Variants in SMYD3 observed in about 807,000 individuals in gnomAD.
The protein encoded by SMYD3 is histone-lysine N-methyltransferase SMYD3.
SMYD3 carries 36 observed loss-of-function variants against 57.7 expected under a neutral mutation model. That is an observed-to-expected ratio of 0.62 (90% CI 0.48 to 0.82). The LOEUF (loss-of-function observed/expected upper bound fraction) is 0.82. Ranked by LOEUF, SMYD3 falls within the 40% of genes least tolerant of loss-of-function variation. The pLI is 0.00. For synonymous variants in SMYD3, 211 were observed against 195.0 expected, an observed-to-expected ratio of 1.08 and a Z score of -0.68; for missense variants, 515 against 538.8, an observed-to-expected ratio of 0.96 and a Z score of 0.44.
intron 10 of SMYD3, among the ~76,000 whole-genome samples, chr1:245,770,690 C>T (rs1328181887): frequency 6.6e-6 from 1 of 152,164 alleles, no homozygotes; most frequent in Non-Finnish European, 1.5e-5. Flanking sequence ...ATAAGACCTA[C>T]AGGTACTGAA....
In SMYD3 at chr1:245,846,208, C is replaced by G. The variant is rs574846977; in HGVS notation, c.1076+12288G>C. Among the ~76,000 whole-genome samples the G allele has an allele frequency of 2.3e-4, 35 of 152,266 alleles. No individual in the cohort carries two copies. In the South Asian group the frequency reaches 7.3e-3, roughly 32 times the overall value. On this transcript the variant is annotated intron_variant, in intron 10 of 11. Coordinates refer to ENST00000490107, the MANE Select transcript of SMYD3 (RefSeq NM_001167740.2). ...GAAGGAAGGAGGGAGAGAAAAAGAA[C>G]GCAAGAGCAAGAAAGCAAAGGAGCC...
intron 5 of SMYD3, among the ~76,000 whole-genome samples, chr1:246,311,953 CGTAAT>C (rs1167617095): frequency 6.6e-6 from 1 of 152,016 alleles, no homozygotes; most frequent in African/African-American, 2.4e-5. Flanking sequence ...GGAGCTAAAA[CGTAAT>C]GTAAGTGACA....
At chr1:246,176,990 GA>G (rs2062445855) in intron 5 of SMYD3, among the ~76,000 whole-genome samples, 1 of 152,164 alleles carries the variant, frequency 6.6e-6, no homozygotes, top group Admixed American at 6.5e-5. Flanking sequence ...AAAGGAAAAG[GA>G]AAAGAAACTT....
intron 5 of SMYD3, among the ~76,000 whole-genome samples, chr1:246,309,699 G>T (rs996248277): frequency 6.6e-6 from 1 of 152,290 alleles, no homozygotes; most frequent in East Asian, 1.9e-4. Flanking sequence ...GAAGCCACTT[G>T]CTGAGACATT....
At chr1:246,324,774 T>TA (rs2065311531) in intron 5 of SMYD3, among the ~76,000 whole-genome samples, 1 of 151,558 alleles carries the variant, frequency 6.6e-6, no homozygotes, top group African/African-American at 2.4e-5. Flanking sequence ...CTTTGATTAA[T>TA]TAATTTTATA....
At chr1:245,958,936 T>G (rs2057926788) in intron 5 of SMYD3, among the ~76,000 whole-genome samples, 1 of 152,138 alleles carries the variant, frequency 6.6e-6, no homozygotes, top group Non-Finnish European at 1.5e-5. Flanking sequence ...GAAACAGAGT[T>G]TCATTCCGTC....
intron 5 of SMYD3, among the ~76,000 whole-genome samples, chr1:246,131,344 A>G (rs928560255): frequency 4.6e-5 from 7 of 152,202 alleles, no homozygotes; most frequent in African/African-American, 1.4e-4. Context: ...GCTAAATGAA[A>G]GAATGAATGA....
At chr1:246,038,221 T>C (rs1048324433) in intron 5 of SMYD3, among the ~76,000 whole-genome samples, 1 of 152,226 alleles carries the variant, frequency 6.6e-6, no homozygotes, top group Non-Finnish European at 1.5e-5. Flanking sequence ...TCTCTTATTT[T>C]ACGTAGTGGA....
At chr1:246,266,921 A>G (rs1195127285) in intron 5 of SMYD3, among the ~76,000 whole-genome samples, 1 of 152,214 alleles carries the variant, frequency 6.6e-6, no homozygotes, top group African/African-American at 2.4e-5. Context: ...TGCGAAAATA[A>G]TATTTTTTTC....
chr1:245,980,737 G>A (rs996281560), intron 5 of SMYD3, among the ~76,000 whole-genome samples: 17 of 152,204 alleles, frequency 1.1e-4, no homozygotes, highest in African/African-American at 3.4e-4. Context: ...TATGGCTGCC[G>A]ACGTTGACTG....
intron 1 of SMYD3, among the ~76,000 whole-genome samples, chr1:246,467,165 A>C (rs1338920080): frequency 6.6e-6 from 1 of 152,030 alleles, no homozygotes; most frequent in Non-Finnish European, 1.5e-5. Flanking sequence ...GTGAGACTCC[A>C]TCTCAAAAAA....
At chr1:246,160,975 C>T (rs2062109079) in intron 5 of SMYD3, among the ~76,000 whole-genome samples, 1 of 152,198 alleles carries the variant, frequency 6.6e-6, no homozygotes, top group Non-Finnish European at 1.5e-5. Flanking sequence ...TTACTCCTCT[C>T]GCCCTGAACA....
chr1:245,864,779 A>T (rs1471112091), intron 8 of SMYD3, among the ~76,000 whole-genome samples: 1 of 152,228 alleles, frequency 6.6e-6, no homozygotes, highest in Non-Finnish European at 1.5e-5. Context: ...TTACACCTCA[A>T]TAATGCTGAT....
intron 1 of SMYD3, among the ~76,000 whole-genome samples, chr1:246,475,739 C>T (rs527363959): frequency 4.6e-5 from 7 of 151,934 alleles, no homozygotes; most frequent in Admixed American, 2.6e-4. Flanking sequence ...CTCAGCCTCC[C>T]GAGTAGCTGA....
At chr1:246,184,761 A>G (rs1025574513) in intron 5 of SMYD3, among the ~76,000 whole-genome samples, 7 of 152,166 alleles carry the variant, frequency 4.6e-5, no homozygotes, top group Admixed American at 2.0e-4. Context: ...GGACTTAGCA[A>G]GGAGGCACCA....
At chr1:245,875,465 G>A (rs549087538) in intron 8 of SMYD3, among the ~76,000 whole-genome samples, 1 of 152,172 alleles carries the variant, frequency 6.6e-6, no homozygotes, top group African/African-American at 2.4e-5. Flanking sequence ...TCACTGAGCC[G>A]CCTGAGTCGT....
chr1:246,014,143 C>T (rs151251356), intron 5 of SMYD3, among the ~76,000 whole-genome samples: 4,887 of 152,108 alleles, frequency 0.032, 262 homozygotes, highest in African/African-American at 0.11. Context: ...GCCAACATGG[C>T]GAAACCCCGT....
At chr1:245,894,350 C>G (rs992084050) in intron 8 of SMYD3, among the ~76,000 whole-genome samples, 2 of 151,938 alleles carry the variant, frequency 1.3e-5, no homozygotes, top group African/African-American at 4.8e-5. Context: ...AACCAATCAG[C>G]AGGACATGGG....
chr1:245,847,747 G>A (rs774036453), intron 10 of SMYD3, among the ~76,000 whole-genome samples: 37 of 152,240 alleles, frequency 2.4e-4, no homozygotes, highest in South Asian at 1.9e-3. Flanking sequence ...ACAATTTGTT[G>A]TAATAAGAAA....
Sources: allele counts gnomAD v4.1 joint callset (sites outside exome capture counted in the v4.1 genomes callset), GRCh38; gene constraint gnomAD v4.1.1; transcripts MANE v1.5; gene names NCBI Gene and HGNC (gene_info 2026-07-23, HGNC 2026-07-21).